MFHAS1: variants seen among roughly 807,000 people sequenced by gnomAD.
The protein encoded by MFHAS1 is multifunctional ROCO family signaling regulator 1.
A neutral mutation model predicts 70.4 loss-of-function variants in MFHAS1; 50 were observed. That is an observed-to-expected ratio of 0.71 (90% CI 0.57 to 0.90). The LOEUF is 0.90. MFHAS1 is among the 40% of genes least tolerant of loss of function. The probability of loss-of-function intolerance (pLI) is 0.00; values close to 1 mark genes in which losing one functional copy is unlikely to be tolerated. For synonymous variants in MFHAS1, 952 were observed against 620.0 expected (o/e 1.54, Z -7.96); for missense variants, 1,795 against 1,347.6 (o/e 1.33, Z -5.20).
chr8:8,832,238 G>A (rs1169896950), intron 1 of MFHAS1, among the ~76,000 whole-genome samples: 2 of 151,952 alleles, frequency 1.3e-5, no homozygotes, highest in African/African-American at 4.8e-5. Context: ...TTGAAATGTT[G>A]AACTCTTGCT....
At chr8:8,828,649 T>C (rs1374635286) in intron 1 of MFHAS1, among the ~76,000 whole-genome samples, 1 of 152,102 alleles carries the variant, frequency 6.6e-6, no homozygotes, top group Non-Finnish European at 1.5e-5. Flanking sequence ...TAAAACAATA[T>C]CACATGAAGA....
intron 2 of MFHAS1, among the ~76,000 whole-genome samples, chr8:8,786,429 G>A (rs933506971): frequency 2.4e-4 from 36 of 152,136 alleles, no homozygotes; most frequent in African/African-American, 8.0e-4. Context: ...ACGGTCACAC[G>A]CAGACACACA....
intron 1 of MFHAS1, among the ~76,000 whole-genome samples, chr8:8,815,798 C>T (rs1806720481): frequency 6.6e-6 from 1 of 152,142 alleles, no homozygotes; most frequent in South Asian, 2.1e-4. Context: ...TATGCCGCTC[C>T]TAGATATTTA....
chr8:8,883,147 C>T (rs904009015), intron 1 of MFHAS1, among the ~76,000 whole-genome samples: 2 of 151,004 alleles, frequency 1.3e-5, no homozygotes, highest in Admixed American at 6.6e-5. Context: ...AGCAAGACTC[C>T]GTCTCAAAAC....
At chr8:8,832,541 C>T (rs1382459088) in intron 1 of MFHAS1, among the ~76,000 whole-genome samples, 2 of 151,498 alleles carry the variant, frequency 1.3e-5, no homozygotes, top group East Asian at 3.9e-4. Flanking sequence ...TACGAAGATA[C>T]ACAACATAAC....
At chr8:8,865,634 A>G (rs1035856272) in intron 1 of MFHAS1, among the ~76,000 whole-genome samples, 10 of 152,236 alleles carry the variant, frequency 6.6e-5, no homozygotes, top group African/African-American at 1.9e-4. Flanking sequence ...GTACAATTGT[A>G]TATCACTCAA....
At chr8:8,789,739 C>T (rs28402110) in intron 2 of MFHAS1, among the ~76,000 whole-genome samples, 1 of 151,906 alleles carries the variant, frequency 6.6e-6, no homozygotes, top group Non-Finnish European at 1.5e-5. Context: ...TATACTCTTC[C>T]AATACAAACC....
chr8:8,837,714 C>T (rs1412670877), intron 1 of MFHAS1, among the ~76,000 whole-genome samples: 4 of 149,598 alleles, frequency 2.7e-5, no homozygotes, highest in Non-Finnish European at 4.4e-5. Context: ...AAATTTAAAA[C>T]ACAATGAGAT....
In MFHAS1 at chr8:8,891,189, C is replaced by CG. The variant is rs760236549; in HGVS notation, c.1869dup (p.Val624ArgfsTer5). The CG allele has an allele frequency of 6.2e-7, 1 of 1,612,898 alleles. No individual in the cohort carries two copies. Reference sequence around the variant, plus strand: ...GGGTCCCTGCAGCTAACAGGCAACACGGGGGAGAGGATCTGCAGCCGGTGG... The same window carrying CG: ...GGGTCCCTGCAGCTAACAGGCAACACGGGGGGAGAGGATCTGCAGCCGGTGG... On this transcript the variant is annotated frameshift_variant, in exon 1 of 3. Transcript: ENST00000276282. LOFTEE classifies it high-confidence loss of function. The surrounding 1 kb of genome is among the most constrained non-coding windows in gnomAD (Gnocchi z 5.4).
intron 1 of MFHAS1, among the ~76,000 whole-genome samples, chr8:8,866,323 T>G (rs918946213): frequency 6.6e-6 from 1 of 151,478 alleles, no homozygotes; most frequent in Non-Finnish European, 1.5e-5. Context: ...TTTTTGTTTT[T>G]TTTTTTTTCT....
At position 8,892,466 on chromosome 8, in the gene MFHAS1, C is replaced by A; in HGVS notation, c.593G>T (p.Arg198Leu). Residue 198 changes from arginine to leucine, a missense_variant, in exon 1 of 3, where the codon CGG becomes CTG. By Grantham distance (102) the Arg-to-Leu change is moderately radical. Transcript: ENST00000276282. This position sits in a 1 kb window ranked among gnomAD's most constrained non-coding sequence, Gnocchi z 4.7. ...CAGGGCCACCAGCTGCAGCAGCTGC[C>A]GGGGGAAGGCAGTGAGCTGGTTGTG... ...VDHNQLTAFP[R>L]QLLQLVALEE... 6.2e-7 allele frequency: 1 copy of A among 1,608,208 alleles called. No homozygotes were observed. The highest frequency in any genetic ancestry group is 8.5e-7 in the Non-Finnish European group (1 of 1,177,494).
In MFHAS1 at chr8:8,789,651, G is replaced by A. The variant is rs559897063; in HGVS notation, c.3126-3596C>T. ...CTGTATTCTGGTGCTTTCCTACTCC[G>A]GACCTTGCAAACTCTGGAGGGACTG... On this transcript the variant is annotated intron_variant, in intron 2 of 2. Transcript: ENST00000276282. Among the ~76,000 whole-genome samples, 5 of 152,184 alleles carry A rather than the reference G, an allele frequency of 3.3e-5. No individual in the cohort carries two copies. The South Asian group carries it at 8.3e-4, about 25-fold the overall frequency.
chr8:8,858,253 G>C (rs781393606), intron 1 of MFHAS1, among the ~76,000 whole-genome samples: 1 of 152,072 alleles, frequency 6.6e-6, no homozygotes, highest in Non-Finnish European at 1.5e-5. Flanking sequence ...ATTTTTATAT[G>C]CATTATTTTA....
intron 1 of MFHAS1, among the ~76,000 whole-genome samples, chr8:8,809,659 C>G (rs1806475814): frequency 6.6e-6 from 1 of 152,186 alleles, no homozygotes; most frequent in African/African-American, 2.4e-5. Flanking sequence ...GGATAAAGTT[C>G]CAGCAGACTT....
chr8:8,819,539 G>A (rs1313399996), intron 1 of MFHAS1, among the ~76,000 whole-genome samples: 1 of 148,364 alleles, frequency 6.7e-6, no homozygotes, highest in Non-Finnish European at 1.5e-5. Flanking sequence ...GGGAGGCGGA[G>A]CTTGCAGTGA....
chr8:8,828,753 C>T (rs1362230727), intron 1 of MFHAS1, among the ~76,000 whole-genome samples: 1 of 152,230 alleles, frequency 6.6e-6, no homozygotes, highest in Non-Finnish European at 1.5e-5. Flanking sequence ...GTCCTCACGG[C>T]GTGCATAGCC....
intron 1 of MFHAS1, among the ~76,000 whole-genome samples, chr8:8,815,918 AG>A (rs564642847): frequency 6.6e-6 from 1 of 152,364 alleles, no homozygotes; most frequent in South Asian, 2.1e-4. Context: ...GTCCGTTAAA[AG>A]GTCGGCACAT....
intron 1 of MFHAS1, among the ~76,000 whole-genome samples, chr8:8,881,962 G>T (rs1225689982): frequency 6.6e-6 from 1 of 152,128 alleles, no homozygotes; most frequent in Admixed American, 6.5e-5. Context: ...GCTGCTAAGT[G>T]CCCCTTGCCC....
chr8:8,829,906 G>T (rs1391857018), intron 1 of MFHAS1, among the ~76,000 whole-genome samples: 1 of 152,212 alleles, frequency 6.6e-6, no homozygotes, highest in Non-Finnish European at 1.5e-5. Context: ...GAGGCCAGAT[G>T]GTCTGCTGGG....
Sources: gnomAD v4.1 joint callset for allele counts (sites outside exome capture counted in the v4.1 genomes callset) on GRCh38, gnomAD v4.1.1 for gene constraint, Gnocchi (gnomAD v3.1) non-coding constraint, MANE v1.5 for transcripts, NCBI Gene and HGNC (gene_info 2026-07-23, HGNC 2026-07-21) for gene names.